FPR3: variants seen among roughly 807,000 people sequenced by gnomAD.
FPR3 encodes formyl peptide receptor 3, also known as N-formyl peptide receptor 3.
For missense variants in FPR3, 346 were observed against 443.2 expected, an observed-to-expected ratio of 0.78 and a Z score of 1.97; for synonymous variants, 135 against 163.6, an observed-to-expected ratio of 0.83 and a Z score of 1.34.
chr19:51,805,810 T>C (rs2084055019), intron 1 of FPR3, among the ~76,000 whole-genome samples: 1 of 152,150 alleles, frequency 6.6e-6, no homozygotes, highest in African/African-American at 2.4e-5. Flanking sequence ...GCAAAAATTA[T>C]CATGCCTAAG....
chr19:51,795,275 C>T lies in FPR3; in HGVS notation c.-67C>T, dbSNP rs2083989274. On this transcript the variant is annotated 5_prime_UTR_variant, in exon 1 of 2. Transcript: ENST00000339223. ...TCATCTTTTTACAAGTACTTAGAGC[C>T]TGAGTTGCTCCACAGGAATCCAGGA... 1.3e-5 allele frequency: 2 copies of T among 152,038 alleles called. No individual in the cohort carries two copies. The allele number at this position is 152,038 out of a possible 1,614,324, so 9.4% of individuals were successfully genotyped here. A position where few individuals can be genotyped will look rare whatever the true frequency, so the allele number is the denominator to read the frequency against.
At chr19:51,806,859 C>T (rs7252329) in intron 1 of FPR3, among the ~76,000 whole-genome samples, 37,791 of 152,122 alleles carry the variant, frequency 0.25, 5,066 homozygotes, top group South Asian at 0.39. Flanking sequence ...AGTTTCTATG[C>T]GAATGGCTAA....
At chr19:51,806,060 C>T (rs2122425620) in intron 1 of FPR3, among the ~76,000 whole-genome samples, 1 of 152,130 alleles carries the variant, frequency 6.6e-6, no homozygotes, top group Non-Finnish European at 1.5e-5. Flanking sequence ...TCTGAGCTGC[C>T]AAAAAGACAT....
chr19:51,805,139 G>A (rs1029926974), intron 1 of FPR3: 3 of 152,206 alleles, frequency 2.0e-5, no homozygotes, highest in Non-Finnish European at 4.4e-5. Context: ...AGTTGGTCAC[G>A]TCCCATGGGC....
chr19:51,820,306 CA>C (rs767356142), intron 1 of FPR3, among the ~76,000 whole-genome samples: 16 of 152,308 alleles, frequency 1.1e-4, no homozygotes, highest in Admixed American at 3.3e-4. Flanking sequence ...TGACATTGAA[CA>C]AGTCACTTCC....
Position 51,824,216 on chromosome 19 carries a change from T to G in FPR3, c.468T>G (p.Leu156=), listed in dbSNP as rs2084213381. ...GACTCTGGATTTTCACCATAGTCCT[T>G]ACCTTACCAAATTTCATCTTCTGGA... The part of the protein sequence containing the change: ...MTGLWIFTIV[L]TLPNFIFWTT... The change falls in exon 2 of 2, where the codon CTT becomes CTG. Residue 156 remains leucine (L), a synonymous_variant. Coordinates refer to ENST00000339223, the MANE Select transcript of FPR3 (RefSeq NM_002030.5). This position sits in a 1 kb window ranked among gnomAD's most constrained non-coding sequence, Gnocchi z 4.7. 5 of 1,614,168 alleles carry G rather than the reference T, an allele frequency of 3.1e-6. No individual in the cohort carries two copies. In the East Asian group the frequency reaches 1.1e-4, roughly 36 times the overall value.
chr19:51,807,528 G>A (rs1406559073), intron 1 of FPR3, among the ~76,000 whole-genome samples: 1 of 152,160 alleles, frequency 6.6e-6, no homozygotes, highest in African/African-American at 2.4e-5. Context: ...CCTCACAGCT[G>A]ACTGCAACTA....
chr19:51,821,327 C>G (rs2084187209), intron 1 of FPR3, among the ~76,000 whole-genome samples: 1 of 152,176 alleles, frequency 6.6e-6, no homozygotes, highest in African/African-American at 2.4e-5. Flanking sequence ...TGATGCTCAA[C>G]TGGGGGGAGT....
chr19:51,803,614 G>A (rs1243912373), intron 1 of FPR3, among the ~76,000 whole-genome samples: 2 of 147,328 alleles, frequency 1.4e-5, no homozygotes, highest in Non-Finnish European at 3.0e-5. Flanking sequence ...AAAAAAAAAT[G>A]TATATTCTTT....
chr19:51,824,605 C>G lies in FPR3; in HGVS notation c.857C>G (p.Pro286Arg). 6.2e-7 allele frequency: 1 copy of G among 1,614,174 alleles called. No individual in the cohort carries two copies. Among genetic ancestry groups the G allele is most frequent in the Non-Finnish European group, 8.5e-7 (1 of 1,180,022 alleles). Residue 286 changes from proline to arginine, a missense_variant, in exon 2 of 2, where the codon CCA becomes CGA. Pro to Arg is a moderately radical substitution (Grantham distance 103, BLOSUM62 -2). Transcript: ENST00000339223. This position sits in a 1 kb window ranked among gnomAD's most constrained non-coding sequence, Gnocchi z 4.7. ...AAAATCATTCTTGTCCTGATTAACC[C>G]AACAAGCTCCTTGGCCTTTTTTAAC... Reference protein sequence around the residue: ...KYKIILVLINPTSSLAFFNSC... With the variant: ...KYKIILVLINRTSSLAFFNSC...
At chr19:51,823,173 A>C (rs1190995822) in intron 1 of FPR3, among the ~76,000 whole-genome samples, 1 of 152,160 alleles carries the variant, frequency 6.6e-6, no homozygotes. Context: ...TATAGCATGT[A>C]ATATATGTCT....
chr19:51,813,962 C>T (rs994545461), intron 1 of FPR3, among the ~76,000 whole-genome samples: 1 of 152,168 alleles, frequency 6.6e-6, no homozygotes, highest in Non-Finnish European at 1.5e-5. Flanking sequence ...ATTCTGTGGT[C>T]ACTTTCAAGA....
At position 51,823,682 on chromosome 19, in the gene FPR3, A is replaced by T. The variant is rs932828527; in HGVS notation, c.-10-57A>T. ...GGAGCTACAGTGGAAGTTAATGAAT[A>T]GTTGTATTGTAAGATGGTGTCACAG... On this transcript the variant is annotated intron_variant, in intron 1 of 1. Transcript: ENST00000339223. 42 of 1,294,208 alleles carry T rather than the reference A, an allele frequency of 3.2e-5. No individual in the cohort carries two copies. In the Admixed American group the frequency reaches 4.7e-4, roughly 14 times the overall value. The allele number at this position is 1,294,208 out of a possible 1,614,324, so 80.2% of individuals were successfully genotyped here.
intron 1 of FPR3, among the ~76,000 whole-genome samples, chr19:51,806,953 T>G (rs2084063131): frequency 6.6e-6 from 1 of 152,226 alleles, no homozygotes. Flanking sequence ...ATACCTAACA[T>G]CGGGCGTAGC....
chr19:51,814,116 A>G (rs1354781995), intron 1 of FPR3, among the ~76,000 whole-genome samples: 1 of 152,220 alleles, frequency 6.6e-6, no homozygotes, highest in Non-Finnish European at 1.5e-5. Flanking sequence ...TATGTTTACT[A>G]TACTTTATCA....
In FPR3 at chr19:51,823,794, C is replaced by T. The variant is rs368542589; in HGVS notation, c.46C>T (p.Leu16Phe). Residue 16 changes from leucine to phenylalanine, a missense_variant, in exon 2 of 2, where the codon CTC becomes TTC. Physicochemically the swap from Leu to Phe is conservative, Grantham distance 22. Transcript: ENST00000339223. ...TCCTCTGAATGAAACTGAGGAGGTG[C>T]TCCCTGAGCCTGCTGGCCACACCGT... is the stretch of plus-strand genomic sequence containing the variant. ...SIPLNETEEV[L>F]PEPAGHTVLW... is the part of the protein sequence containing the mutation. 6 of 1,610,720 alleles carry T rather than the reference C, an allele frequency of 3.7e-6. No individual in the cohort carries two copies. In the African/African-American group the frequency reaches 5.3e-5, roughly 14 times the overall value.
chr19:51,798,839 A>G (rs1010973835), intron 1 of FPR3, among the ~76,000 whole-genome samples: 2 of 152,214 alleles, frequency 1.3e-5, no homozygotes, highest in Admixed American at 6.5e-5. Flanking sequence ...TCATGATCAT[A>G]GAAAATTGCT....
intron 1 of FPR3, chr19:51,804,723 C>T (rs12609730): frequency 0.12 from 18,976 of 152,022 alleles, 1,589 homozygotes; most frequent in East Asian, 0.29. Context: ...TGTGGCTGTT[C>T]GGGGCGCCAC....
intron 1 of FPR3, among the ~76,000 whole-genome samples, chr19:51,813,756 G>C (rs183714758): frequency 6.6e-6 from 1 of 152,170 alleles, no homozygotes; most frequent in African/African-American, 2.4e-5. Flanking sequence ...GGATGGACTC[G>C]ATCTCCTGAC....
Sources: gnomAD v4.1 joint callset for allele counts (sites outside exome capture counted in the v4.1 genomes callset) on GRCh38, gnomAD v4.1.1 for gene constraint, Gnocchi (gnomAD v3.1) non-coding constraint, MANE v1.5 for transcripts, NCBI Gene and HGNC (gene_info 2026-07-23, HGNC 2026-07-21) for gene names.